The following ITCH variants were observed in gnomAD, a reference collection of about 807,000 sequenced individuals.
ITCH encodes itchy E3 ubiquitin protein ligase.
Under a neutral mutation model 126.8 loss-of-function variants are expected in ITCH, and 28 were observed. The observed-to-expected ratio is 0.22, with a 90% CI of 0.16 to 0.30. ITCH has a LOEUF of 0.30. ITCH is among the 10% of genes least tolerant of loss of function. The probability of loss-of-function intolerance (pLI) is 1.00; values close to 1 mark genes in which losing one functional copy is unlikely to be tolerated. For missense variants in ITCH, 631 were observed against 1,032.4 expected (o/e 0.61, Z 5.33); for synonymous variants, 342 against 340.0 (o/e 1.01, Z -0.06).
At chr20:34,504,259 C>T in intron 23 of ITCH, 72 bp from the exon 24 acceptor site, 3 of 1,107,320 alleles carry the variant, frequency 2.7e-6, no homozygotes, top group Admixed American at 1.7e-5. Context: ...GATGCTGATG[C>T]TTGTTGGATT....
At chr20:34,419,541 G>A (rs1333332206) in intron 6 of ITCH, among the ~76,000 whole-genome samples, 1 of 151,870 alleles carries the variant, frequency 6.6e-6, no homozygotes, top group East Asian at 1.9e-4. Flanking sequence ...GAGTGCAGTG[G>A]CACGATCTTG....
intron 4 of ITCH, 78 bp downstream of exon 4, chr20:34,408,870 A>C: frequency 1.4e-6 from 2 of 1,464,720 alleles, no homozygotes; most frequent in African/African-American, 1.5e-5. Flanking sequence ...AATGTTTCTC[A>C]CTTTGGTTTT....
chr20:34,476,421 G>T (rs1241043920), intron 16 of ITCH: 18 of 1,234,128 alleles, frequency 1.5e-5, no homozygotes, highest in Non-Finnish European at 1.8e-5. Context: ...CGGCCGGGTC[G>T]CCGAGGACCG....
intron 23 of ITCH, 86 bp from the exon 24 acceptor site, chr20:34,504,245 T>A: frequency 1.0e-6 from 1 of 990,952 alleles, no homozygotes; most frequent in Non-Finnish European, 1.6e-6. Context: ...ACAAGTTCCC[T>A]CATGATGCTG....
At chr20:34,433,572 C>G (rs1447495272) in intron 7 of ITCH, among the ~76,000 whole-genome samples, 1 of 149,544 alleles carries the variant, frequency 6.7e-6, no homozygotes, top group Non-Finnish European at 1.5e-5. Flanking sequence ...AGGAGGATCA[C>G]GTGAGCCTGG....
intron 1 of ITCH, among the ~76,000 whole-genome samples, chr20:34,367,487 A>G (rs1171182281): frequency 6.6e-6 from 1 of 152,130 alleles, no homozygotes; most frequent in Non-Finnish European, 1.5e-5. Flanking sequence ...GAAGTTACAG[A>G]GATTATCTAG....
intron 20 of ITCH, 27 bp downstream of exon 20, chr20:34,481,233 C>T: frequency 6.2e-7 from 1 of 1,610,780 alleles, no homozygotes; most frequent in Non-Finnish European, 8.5e-7. Flanking sequence ...TCACATTTCA[C>T]TTTTTGTTTG....
Position 34,371,233 on chromosome 20 carries a change from A to G in ITCH, c.-22+1763A>G, listed in dbSNP as rs187338167. Among the ~76,000 whole-genome samples, 21 of 148,202 alleles carry G rather than the reference A, an allele frequency of 1.4e-4. No homozygotes were observed. The East Asian group carries it at 4.2e-3, about 29-fold the overall frequency. On this transcript the variant is annotated intron_variant, in intron 2 of 24. Transcript: ENST00000374864. Reference sequence around the variant, plus strand: ...AAATAGAACTAAAATATGATCCAGCATTGCCACTTTTGGGTATATATCCAA... The same window carrying G: ...AAATAGAACTAAAATATGATCCAGCGTTGCCACTTTTGGGTATATATCCAA...
At chr20:34,507,519 T>C (rs1006603254) in intron 24 of ITCH, among the ~76,000 whole-genome samples, 176 bp from the exon 25 acceptor site, 3 of 152,132 alleles carry the variant, frequency 2.0e-5, no homozygotes, top group African/African-American at 2.4e-5. Flanking sequence ...TTATCAGATA[T>C]ATGATTTACA....
chr20:34,435,569 T>C (rs1349761507), intron 7 of ITCH, among the ~76,000 whole-genome samples: 1 of 152,184 alleles, frequency 6.6e-6, no homozygotes, highest in Non-Finnish European at 1.5e-5. Context: ...GTGGAAAATT[T>C]ATTAGAATTG....
chr20:34,457,537 A>G, intron 13 of ITCH, 63 bp downstream of exon 13: 1 of 1,089,020 alleles, frequency 9.2e-7, no homozygotes, highest in Non-Finnish European at 1.4e-6. Context: ...CTAACAACTG[A>G]AGAAGATCAA....
rs140692208 is a variant in ITCH at position 34,412,638 on chromosome 20, A to G, written c.336A>G (p.Lys112=). Residue 112 remains lysine (K), a splice_region_variant and synonymous_variant, in exon 5 of 25, where the codon AAA becomes AAG. Coordinates refer to ENST00000374864, the MANE Select transcript of ITCH (RefSeq NM_031483.7). The part of the protein sequence containing the change: ...IYETLKSNNM[K]LEEVVVTLQL... The stretch of plus-strand genomic sequence containing the variant: ...AAACATTAAAGTCAAACAATATGAA[A>G]CGTATGTATGTAAGACTAATAGAAA... 25 of 1,605,634 alleles carry G rather than the reference A, an allele frequency of 1.6e-5. No individual in the cohort carries two copies. The Admixed American group carries it at 3.2e-4, about 20-fold the overall frequency.
chr20:34,441,999 C>G lies in ITCH; in HGVS notation c.870-209C>G, dbSNP rs1983821196. On this transcript the variant is annotated intron_variant, in intron 9 of 24. Transcript: ENST00000374864. ...TGTTTTCTCCTAGAGCAGATACTTGCATAGAAGAAATTGAATTCACTGTGT... is the reference window on the plus strand; with the variant it reads ...TGTTTTCTCCTAGAGCAGATACTTGGATAGAAGAAATTGAATTCACTGTGT... The G allele has an allele frequency of 5.1e-6, 3 of 583,384 alleles. No homozygotes were observed. The South Asian group carries it at 5.7e-5, about 11-fold the overall frequency. The allele number at this position is 583,384 out of a possible 1,614,324, so 36.1% of individuals were successfully genotyped here. A position where few individuals can be genotyped will look rare whatever the true frequency, so the allele number is the denominator to read the frequency against.
Position 34,472,372 on chromosome 20 carries a change from T to TAA in ITCH, c.1569+881_1569+882dup, listed in dbSNP as rs527802058. ...ATAAGAGCAAAACTCCATCTCAATT[T>TAA]AAAAAAAAAAAAAAAAAAAAAAAAA... On this transcript the variant is annotated intron_variant, in intron 16 of 24. Coordinates refer to ENST00000374864, the MANE Select transcript of ITCH (RefSeq NM_031483.7). 5.5e-3 allele frequency among the ~76,000 whole-genome samples: 436 copies of TAA among 79,614 alleles called. 1 individual carries two copies. The highest frequency in any genetic ancestry group is 0.017 in the African/African-American group (384 of 22,606). 52.2% of individuals were successfully genotyped at this position (79,614 alleles called of 152,430 possible).
intron 9 of ITCH, among the ~76,000 whole-genome samples, chr20:34,440,959 A>C (rs886620068): frequency 6.6e-6 from 1 of 152,032 alleles, no homozygotes; most frequent in South Asian, 2.1e-4. Flanking sequence ...TTTAATATCA[A>C]ACTATTTTTT....
intron 14 of ITCH, 111 bp from the exon 15 acceptor site, chr20:34,469,936 AT>A: frequency 1.2e-6 from 1 of 810,912 alleles, no homozygotes; most frequent in Non-Finnish European, 2.2e-6. Context: ...AATATGCTAT[AT>A]TTTTGAATTT....
At chr20:34,467,579 G>C (rs546895502) in intron 14 of ITCH, among the ~76,000 whole-genome samples, 1 of 151,218 alleles carries the variant, frequency 6.6e-6, no homozygotes, top group South Asian at 2.1e-4. Flanking sequence ...GGCCTAGATG[G>C]TGTCACTGGT....
At chr20:34,430,259 C>T (rs1458231751) in intron 7 of ITCH, among the ~76,000 whole-genome samples, 1 of 152,080 alleles carries the variant, frequency 6.6e-6, no homozygotes, top group African/African-American at 2.4e-5. Context: ...GACAGTTGAA[C>T]CTGGAACAGC....
At chr20:34,399,333 G>A (rs1214665653) in intron 3 of ITCH, among the ~76,000 whole-genome samples, 1 of 151,038 alleles carries the variant, frequency 6.6e-6, no homozygotes, top group Non-Finnish European at 1.5e-5. Flanking sequence ...CGGAGATGGC[G>A]GTGAGCTGAG....
Sources: gnomAD v4.1 joint callset for allele counts (sites outside exome capture counted in the v4.1 genomes callset) on GRCh38, gnomAD v4.1.1 for gene constraint, MANE v1.5 for transcripts, NCBI Gene and HGNC (gene_info 2026-07-23, HGNC 2026-07-21) for gene names.